The following PANX1 variants were observed in gnomAD, a reference collection of about 807,000 sequenced individuals.
PANX1 encodes the protein pannexin-1.
A neutral mutation model predicts 38.7 loss-of-function variants in PANX1; 30 were observed. That is an observed-to-expected ratio of 0.78 (90% CI 0.58 to 1.05). The LOEUF (loss-of-function observed/expected upper bound fraction) is 1.05, where lower values mean the gene tolerates loss of function less well. Among genes scored for constraint, PANX1 ranks in the 50% least tolerant of loss-of-function variants. PANX1 has a pLI of 0.00. For missense variants in PANX1, 551 were observed against 517.2 expected (o/e 1.07, Z -0.63); for synonymous variants, 230 against 212.2 (o/e 1.08, Z -0.73).
intron 2 of PANX1, among the ~76,000 whole-genome samples, chr11:94,173,845 T>G (rs1402684641): frequency 6.6e-6 from 1 of 151,808 alleles, no homozygotes; most frequent in Non-Finnish European, 1.5e-5. Flanking sequence ...CTTACACTTT[T>G]TGTGAGTTTC....
At chr11:94,132,601 G>T (rs891457783) in intron 1 of PANX1, among the ~76,000 whole-genome samples, 9 of 152,096 alleles carry the variant, frequency 5.9e-5, no homozygotes, top group Non-Finnish European at 1.0e-4. Flanking sequence ...TGTTGGGGGG[G>T]TGGTGTGTGT....
At chr11:94,177,288 G>A (rs1315226904) in intron 2 of PANX1, among the ~76,000 whole-genome samples, 1 of 151,104 alleles carries the variant, frequency 6.6e-6, no homozygotes, top group Non-Finnish European at 1.5e-5. Context: ...TTAGGGAACA[G>A]AAAGGAAAAG....
At position 94,153,632 on chromosome 11, in the gene PANX1, T is replaced by G. The variant is rs774952718; in HGVS notation, c.321+2T>G. The G allele has an allele frequency of 2.4e-5, 38 of 1,612,308 alleles. No homozygotes were observed. The highest frequency in any genetic ancestry group is 3.2e-5 in the Non-Finnish European group (38 of 1,179,544). Reference sequence around the variant, plus strand: ...AACCTCCCACTGTGGCTGCATAAGGTAAAGGGAGACATTTCCAAATAGAAC... The same window carrying G: ...AACCTCCCACTGTGGCTGCATAAGGGAAAGGGAGACATTTCCAAATAGAAC... On this transcript the variant is annotated splice_donor_variant, in intron 2 of 4. Transcript: ENST00000227638. LOFTEE classifies it high-confidence loss of function.
chr11:94,136,918 G>T (rs1054853464), intron 1 of PANX1, among the ~76,000 whole-genome samples: 1 of 152,156 alleles, frequency 6.6e-6, no homozygotes, highest in African/African-American at 2.4e-5. Flanking sequence ...CTTCTGCTTG[G>T]CTTCTGGGGA....
chr11:94,143,620 G>A (rs987528470), intron 1 of PANX1, among the ~76,000 whole-genome samples: 6 of 152,070 alleles, frequency 3.9e-5, no homozygotes, highest in Admixed American at 6.5e-5. Context: ...AGAGAAAACC[G>A]AATGTCTATT....
In PANX1 at chr11:94,179,974, C is replaced by G. The variant is rs1480889841; in HGVS notation, c.918C>G (p.Leu306=). 4 of 1,596,728 alleles carry G rather than the reference C, an allele frequency of 2.5e-6. No homozygotes were observed. In the Admixed American group the frequency reaches 6.8e-5, roughly 27 times the overall value. Residue 306 remains leucine, a synonymous_variant, in exon 4 of 5, where the codon CTC becomes CTG. Transcript: ENST00000227638. ...CATTCCGACAGAAGACAGATGTTCT[C>G]AAAGTGTACGAAATCCTCCCCACTT... The part of the protein sequence containing the change: ...FVPFRQKTDV[L]KVYEILPTFD...
chr11:94,135,007 G>A (rs1237442537), intron 1 of PANX1, among the ~76,000 whole-genome samples: 1 of 152,166 alleles, frequency 6.6e-6, no homozygotes, highest in Non-Finnish European at 1.5e-5. Flanking sequence ...TGTGCCCTGC[G>A]CTTAGGGCTG....
At chr11:94,132,222 C>T (rs1223345623) in intron 1 of PANX1, among the ~76,000 whole-genome samples, 1 of 152,182 alleles carries the variant, frequency 6.6e-6, no homozygotes, top group Non-Finnish European at 1.5e-5. Context: ...GTGTCAGACA[C>T]ACGTAGGACA....
intron 2 of PANX1, among the ~76,000 whole-genome samples, chr11:94,172,724 A>G (rs531927600): frequency 1.3e-5 from 2 of 151,672 alleles, no homozygotes; most frequent in African/African-American, 2.4e-5. Context: ...GGAATACTCA[A>G]GCTCTCCCAG....
intron 1 of PANX1, among the ~76,000 whole-genome samples, chr11:94,134,222 T>C (rs1231468998): frequency 6.6e-6 from 1 of 152,234 alleles, no homozygotes; most frequent in Non-Finnish European, 1.5e-5. Flanking sequence ...GGGTACCCTA[T>C]GGGTGTCACC....
chr11:94,159,815 A>T (rs1393630094), intron 2 of PANX1, among the ~76,000 whole-genome samples: 2 of 151,008 alleles, frequency 1.3e-5, no homozygotes, highest in Non-Finnish European at 2.9e-5. Flanking sequence ...TTTAATTGTG[A>T]TGTTAGCGTG....
chr11:94,156,788 CA>C (rs1249493510), intron 2 of PANX1, among the ~76,000 whole-genome samples: 1 of 150,444 alleles, frequency 6.6e-6, no homozygotes, highest in Non-Finnish European at 1.5e-5. Flanking sequence ...AGGTTTGTTA[CA>C]TATGTATACT....
At position 94,129,413 on chromosome 11, in the gene PANX1, T is replaced by C; in HGVS notation, c.101T>C (p.Val34Ala). The change falls in exon 1 of 5, where the codon GTG (valine) becomes GCG (alanine). Residue 34 changes from valine to alanine, a missense_variant. Physicochemically the swap from Val to Ala is moderately conservative, Grantham distance 64. Transcript: ENST00000227638. ...KFKGLRLELA[V>A]DKMVTCIAVG... is the part of the protein sequence containing the mutation. The stretch of plus-strand genomic sequence containing the variant: ...AAGGGGCTGCGACTGGAGCTGGCTG[T>C]GGACAAGATGGTCACGTGCATTGCG... 1 of 1,614,082 alleles carries C rather than the reference T, an allele frequency of 6.2e-7. No homozygotes were observed. Among genetic ancestry groups the C allele is most frequent in the East Asian group, 2.2e-5 (1 of 44,866 alleles).
chr11:94,174,467 C>T (rs1283426288), intron 2 of PANX1, among the ~76,000 whole-genome samples: 1 of 151,612 alleles, frequency 6.6e-6, no homozygotes, highest in Non-Finnish European at 1.5e-5. Context: ...ATTTTATTGC[C>T]GCACTGTACT....
At chr11:94,169,046 T>C (rs1947134455) in intron 2 of PANX1, among the ~76,000 whole-genome samples, 1 of 151,672 alleles carries the variant, frequency 6.6e-6, no homozygotes, top group Admixed American at 6.6e-5. Context: ...AATCAGGTGC[T>C]GTGGTCCAGA....
intron 1 of PANX1, among the ~76,000 whole-genome samples, chr11:94,146,488 C>T (rs368941019): frequency 7.2e-5 from 11 of 152,314 alleles, no homozygotes; most frequent in East Asian, 3.9e-4. Context: ...GGCACTTTTA[C>T]GGCAGAAGAG....
At chr11:94,130,214 C>T (rs1946611944) in intron 1 of PANX1, among the ~76,000 whole-genome samples, 1 of 152,054 alleles carries the variant, frequency 6.6e-6, no homozygotes, top group Non-Finnish European at 1.5e-5. Context: ...TGTTTATGAA[C>T]CAACAGGAAG....
chr11:94,174,274 A>G (rs1472087577), intron 2 of PANX1, among the ~76,000 whole-genome samples: 2 of 151,262 alleles, frequency 1.3e-5, no homozygotes, highest in African/African-American at 4.9e-5. Flanking sequence ...AAGCCAGCAC[A>G]CCCTTCCAGC....
intron 2 of PANX1, among the ~76,000 whole-genome samples, chr11:94,164,939 AT>A (rs1350584103): frequency 1.3e-5 from 2 of 152,046 alleles, no homozygotes; most frequent in Admixed American, 6.6e-5. Context: ...CTTACTTTTT[AT>A]CTTTTTACAG....
Sources: gnomAD v4.1 joint callset for allele counts (sites outside exome capture counted in the v4.1 genomes callset) on GRCh38, gnomAD v4.1.1 for gene constraint, MANE v1.5 for transcripts, NCBI Gene and HGNC (gene_info 2026-07-23, HGNC 2026-07-21) for gene names.